TANC1: variants seen among roughly 807,000 people sequenced by gnomAD.
The protein encoded by TANC1 is tetratricopeptide repeat, ankyrin repeat and coiled-coil containing 1, also known as protein TANC1.
Under a neutral mutation model 149.7 loss-of-function variants are expected in TANC1, and 77 were observed. The ratio of observed to expected loss-of-function variants is 0.51; its 90% confidence interval spans 0.43 to 0.62. TANC1 has a LOEUF of 0.62. TANC1 is among the 20% of genes least tolerant of loss of function. The pLI is 0.00. For synonymous variants in TANC1, 854 were observed against 925.0 expected (o/e 0.92, Z 1.39); for missense variants, 1,985 against 2,321.8 (o/e 0.85, Z 2.98).
chr2:158,976,350 T>C (rs2033668720), intron 1 of TANC1, among the ~76,000 whole-genome samples: 1 of 152,216 alleles, frequency 6.6e-6, no homozygotes, highest in African/African-American at 2.4e-5. Flanking sequence ...CTGGTGGAAT[T>C]GACAGTGGTA....
chr2:159,064,381 T>A (rs1315739414), intron 2 of TANC1, among the ~76,000 whole-genome samples: 17 of 152,342 alleles, frequency 1.1e-4, no homozygotes, highest in South Asian at 1.0e-3. Flanking sequence ...TGTAAGATGA[T>A]TTTACTCCGA....
At position 159,182,824 on chromosome 2, in the gene TANC1, C is replaced by T. The variant is rs192119410; in HGVS notation, c.2511-2967C>T. ...ACTGATGACCATTTTTAAGATCCATCAGTTTTTTGGGGTTGCACAGGAAGT... is the reference window on the plus strand; with the variant it reads ...ACTGATGACCATTTTTAAGATCCATTAGTTTTTTGGGGTTGCACAGGAAGT... On this transcript the variant is annotated intron_variant, in intron 14 of 26. Coordinates refer to ENST00000263635, the MANE Select transcript of TANC1 (RefSeq NM_033394.3). Among the ~76,000 whole-genome samples, 812 of 142,002 alleles carry T rather than the reference C, an allele frequency of 5.7e-3. 11 individuals are homozygous for T. Among genetic ancestry groups the T allele is most frequent in the African/African-American group, 0.019 (770 of 39,506 alleles). 93.2% of individuals were successfully genotyped at this position (142,002 alleles called of 152,430 possible). A position where few individuals can be genotyped will look rare whatever the true frequency, so the allele number is the denominator to read the frequency against.
chr2:159,002,176 G>A (rs1017047214), intron 2 of TANC1, among the ~76,000 whole-genome samples: 2 of 152,186 alleles, frequency 1.3e-5, no homozygotes, highest in African/African-American at 4.8e-5. Context: ...ACTGGGACCT[G>A]CGGCCGGAGG....
At chr2:159,165,940 T>A (rs1321494125) in intron 8 of TANC1, among the ~76,000 whole-genome samples, 2 of 152,256 alleles carry the variant, frequency 1.3e-5, no homozygotes, top group Non-Finnish European at 2.9e-5. Context: ...CTGTTAACCA[T>A]GTAGTACAGT....
intron 14 of TANC1, among the ~76,000 whole-genome samples, chr2:159,179,932 T>C (rs1414581710): frequency 1.3e-5 from 2 of 152,220 alleles, no homozygotes; most frequent in Non-Finnish European, 2.9e-5. Flanking sequence ...GTGTCTCTGC[T>C]GTCTCGAGTG....
chr2:159,013,610 A>G (rs1251210378), intron 2 of TANC1, among the ~76,000 whole-genome samples: 1 of 152,182 alleles, frequency 6.6e-6, no homozygotes, highest in Non-Finnish European at 1.5e-5. Context: ...CGTAACCCCA[A>G]TGTGCCTGAC....
At chr2:159,195,746 C>G (rs1382429709) in intron 17 of TANC1, among the ~76,000 whole-genome samples, 1 of 152,196 alleles carries the variant, frequency 6.6e-6, no homozygotes, top group Admixed American at 6.5e-5. Flanking sequence ...CGGATGGCAG[C>G]TGGGCTTTAC....
At chr2:158,973,252 A>G (rs2033158577) in intron 1 of TANC1, among the ~76,000 whole-genome samples, 1 of 152,162 alleles carries the variant, frequency 6.6e-6, no homozygotes, top group African/African-American at 2.4e-5. Context: ...TTCAGTTCAC[A>G]TAGCCCAGAG....
At chr2:159,110,372 C>CTGT (rs2047604233) in intron 4 of TANC1, among the ~76,000 whole-genome samples, 1 of 152,242 alleles carries the variant, frequency 6.6e-6, no homozygotes, top group Non-Finnish European at 1.5e-5. Flanking sequence ...AGTGAGTAGG[C>CTGT]ACTGTCCTCA....
intron 3 of TANC1, among the ~76,000 whole-genome samples, chr2:159,085,243 T>A (rs1337699974): frequency 1.3e-5 from 2 of 152,184 alleles, no homozygotes; most frequent in East Asian, 3.9e-4. Flanking sequence ...CCCGTTTGAC[T>A]GTCTCTGCCG....
chr2:159,116,496 G>A (rs1043807476), intron 4 of TANC1, among the ~76,000 whole-genome samples: 2 of 151,628 alleles, frequency 1.3e-5, no homozygotes, highest in African/African-American at 2.4e-5. Flanking sequence ...TTGGAAATAT[G>A]GCAATTGATG....
At chr2:159,083,330 G>T (rs144368290) in intron 3 of TANC1, among the ~76,000 whole-genome samples, 2,245 of 151,494 alleles carry the variant, frequency 0.015, 30 homozygotes, top group Middle Eastern at 0.027. Flanking sequence ...GTTTGTTCCT[G>T]TGTCTCCACA....
chr2:159,134,851 G>A (rs1284953160), intron 4 of TANC1, among the ~76,000 whole-genome samples: 1 of 152,010 alleles, frequency 6.6e-6, no homozygotes, highest in African/African-American at 2.4e-5. Context: ...CAAACTCCTG[G>A]GCTCAAGTGA....
In TANC1 at chr2:159,175,128, AC is replaced by A; in HGVS notation, c.1682del (p.Pro561ArgfsTer16). On this transcript the variant is annotated frameshift_variant, in exon 12 of 27. Transcript: ENST00000263635. LOFTEE classifies it high-confidence loss of function. ...CTGAGCCTCCGATCCTGTGTGCAGG[AC>A]CCGGTGGCAGCTTTCAAGAGGGGAG... ...SMLSLRSCVQ[D>X]PVAAFKRGVL... 1 of 1,614,126 alleles carries A rather than the reference AC, an allele frequency of 6.2e-7. No individual in the cohort carries two copies.
At chr2:159,087,695 G>A (rs886273655) in intron 3 of TANC1, among the ~76,000 whole-genome samples, 6 of 151,384 alleles carry the variant, frequency 4.0e-5, no homozygotes, top group African/African-American at 1.5e-4. Context: ...TTGATTTCAG[G>A]CTTTCGGTGT....
chr2:159,217,412 T>TG (rs1486180393), intron 19 of TANC1, 85 bp from the exon 20 acceptor site: 1 of 1,543,008 alleles, frequency 6.5e-7, no homozygotes, highest in African/African-American at 1.4e-5. Context: ...CATCTCCCAC[T>TG]GGGGGAGAGA....
At chr2:159,046,856 G>A (rs61061909) in intron 2 of TANC1, among the ~76,000 whole-genome samples, 371 of 151,760 alleles carry the variant, frequency 2.4e-3, no homozygotes, top group African/African-American at 8.6e-3. Flanking sequence ...CACTTGCCTC[G>A]GCCTCCCCAA....
chr2:159,215,371 C>T (rs1228783301), intron 19 of TANC1, among the ~76,000 whole-genome samples: 1 of 152,190 alleles, frequency 6.6e-6, no homozygotes, highest in East Asian at 1.9e-4. Context: ...GAGCTAGTTT[C>T]TTGCAGGGAG....
chr2:159,170,226 G>A (rs1472059884), intron 9 of TANC1, among the ~76,000 whole-genome samples: 1 of 152,162 alleles, frequency 6.6e-6, no homozygotes, highest in Non-Finnish European at 1.5e-5. Context: ...CCCTCACATG[G>A]CTTTCTCTAA....
Sources: gnomAD v4.1 joint callset for allele counts (sites outside exome capture counted in the v4.1 genomes callset) on GRCh38, gnomAD v4.1.1 for gene constraint, MANE v1.5 for transcripts, NCBI Gene and HGNC (gene_info 2026-07-23, HGNC 2026-07-21) for gene names.